The following FRY variants were observed in gnomAD, a reference collection of about 807,000 sequenced individuals.
The protein encoded by FRY is protein furry homolog.
FRY carries 128 observed loss-of-function variants against 348.4 expected under a neutral mutation model. The ratio of observed to expected loss-of-function variants is 0.37; its 90% CI spans 0.32 to 0.43. The LOEUF (loss-of-function observed/expected upper bound fraction) is 0.43. Ranked by LOEUF, FRY falls within the 20% of genes least tolerant of loss-of-function variation. The pLI is 1.00. For missense variants in FRY, 2,736 were observed against 3,695.2 expected, an observed-to-expected ratio of 0.74 and a Z score of 6.73; for synonymous variants, 1,370 against 1,374.7, an observed-to-expected ratio of 1.00 and a Z score of 0.08.
chr13:32,133,718 A>G (rs1296178988), intron 8 of FRY, among the ~76,000 whole-genome samples: 2 of 146,172 alleles, frequency 1.4e-5, no homozygotes, highest in African/African-American at 5.1e-5. Flanking sequence ...AGATATTAAC[A>G]TGTTATTATA....
rs974308217 is a variant in FRY at position 32,297,159 on chromosome 13, A to C, written c.*1699A>C. 2.0e-5 allele frequency: 3 copies of C among 152,344 alleles called. No homozygotes were observed. Among genetic ancestry groups the C allele is most frequent in the Admixed American group, 1.3e-4 (2 of 15,308 alleles). 9.4% of individuals were successfully genotyped at this position (152,344 alleles called of 1,614,324 possible). A position where few individuals can be genotyped will look rare whatever the true frequency, so the allele number is the denominator to read the frequency against. On this transcript the variant is annotated 3_prime_UTR_variant, in exon 61 of 61. Transcript: ENST00000542859. ...TAATATTCTAGGAGTATTCTATAGA[A>C]GAGAGCCTAACCTAGGATTTTTTTT...
intron 55 of FRY, among the ~76,000 whole-genome samples, chr13:32,271,922 C>G (rs1171507628): frequency 6.6e-6 from 1 of 152,030 alleles, no homozygotes; most frequent in Non-Finnish European, 1.5e-5. Context: ...AGGCATGGGC[C>G]CTGGGGGGAC....
intron 17 of FRY, among the ~76,000 whole-genome samples, chr13:32,164,444 G>A (rs1245190054): frequency 6.6e-6 from 1 of 152,156 alleles, no homozygotes; most frequent in Non-Finnish European, 1.5e-5. Flanking sequence ...GTCCCACACA[G>A]CTGCTCCCAG....
At position 32,291,101 on chromosome 13, in the gene FRY, G is replaced by A. The variant is rs181917405; in HGVS notation, c.8580+1358G>A. Among the ~76,000 whole-genome samples, 52 of 152,040 alleles carry A rather than the reference G, an allele frequency of 3.4e-4. 1 individual carries two copies. Among genetic ancestry groups the A allele is most frequent in the African/African-American group, 1.1e-3 (44 of 41,470 alleles). ...ATGTGATTGTGAACAAGCAGAAGTC[G>A]ATTAAACCATGCCAGTGACAGCAGA... On this transcript the variant is annotated intron_variant, in intron 59 of 60. Coordinates refer to ENST00000542859, the MANE Select transcript of FRY (RefSeq NM_023037.3).
At chr13:32,146,859 G>T (rs1880490222) in intron 11 of FRY, among the ~76,000 whole-genome samples, 1 of 152,178 alleles carries the variant, frequency 6.6e-6, no homozygotes, top group Non-Finnish European at 1.5e-5. Context: ...ATATTGGAGG[G>T]TAATCAGATG....
chr13:32,185,531 T>C lies in FRY; in HGVS notation c.3319+383T>C, dbSNP rs182473078. ...TAATTTCAGCAATATTTCTTCTCTC[T>C]GACTCTACCCTACCAACACATTAAA... On this transcript the variant is annotated intron_variant, in intron 26 of 60. Transcript: ENST00000542859. Among the ~76,000 whole-genome samples, 3 of 152,338 alleles carry C rather than the reference T, an allele frequency of 2.0e-5. No individual in the cohort carries two copies. The East Asian group carries it at 5.8e-4, about 29-fold the overall frequency.
At chr13:32,138,656 G>A (rs1389728624) in intron 11 of FRY, among the ~76,000 whole-genome samples, 1 of 152,162 alleles carries the variant, frequency 6.6e-6, no homozygotes, top group African/African-American at 2.4e-5. Context: ...GCCAGAAAGA[G>A]GATGTAGAGT....
chr13:32,262,541 T>C, intron 53 of FRY, 66 bp downstream of exon 53: 1 of 1,261,224 alleles, frequency 7.9e-7, no homozygotes, highest in South Asian at 1.2e-5. Flanking sequence ...ACACTTCCAA[T>C]TTTCTGAGAA....
intron 2 of FRY, among the ~76,000 whole-genome samples, chr13:32,092,760 G>A (rs1412241704): frequency 6.6e-6 from 1 of 152,128 alleles, no homozygotes; most frequent in African/African-American, 2.4e-5. Context: ...TCACGCAGCA[G>A]GTGAGGTATC....
chr13:32,245,376 A>C (rs994594763), intron 47 of FRY, among the ~76,000 whole-genome samples: 1 of 152,066 alleles, frequency 6.6e-6, no homozygotes, highest in Non-Finnish European at 1.5e-5. Flanking sequence ...AGGCTGAGGC[A>C]AGAGGATCGC....
At position 32,298,287 on chromosome 13, in the gene FRY, G is replaced by A. The variant is rs567243846; in HGVS notation, c.*2827G>A. The stretch of plus-strand genomic sequence containing the variant: ...GGCTGCTTACATCAATAGCTTACAC[G>A]TGCTTCCTGATGCCTGCCTTAACAA... On this transcript the variant is annotated 3_prime_UTR_variant, in exon 61 of 61. Coordinates refer to ENST00000542859, the MANE Select transcript of FRY (RefSeq NM_023037.3). The A allele has an allele frequency of 8.5e-5, 13 of 152,320 alleles. No individual in the cohort carries two copies. The South Asian group carries it at 2.7e-3, about 32-fold the overall frequency. The allele number at this position is 152,320 out of a possible 1,614,324, so 9.4% of individuals were successfully genotyped here. A position where few individuals can be genotyped will look rare whatever the true frequency, so the allele number is the denominator to read the frequency against.
chr13:32,051,417 C>A (rs899431982), intron 1 of FRY, among the ~76,000 whole-genome samples: 2 of 152,110 alleles, frequency 1.3e-5, no homozygotes, highest in Admixed American at 1.3e-4. Flanking sequence ...GAAAAAGAAG[C>A]CCAACAAAAA....
In FRY at chr13:32,247,387, T is replaced by C; in HGVS notation, c.6893T>C (p.Val2298Ala). Residue 2298 changes from valine to alanine, a missense_variant, in exon 48 of 61, where the codon GTT becomes GCT. This residue lies in a region of FRY where 789 missense variants were observed against 996.2 expected (regional missense o/e 0.79). Coordinates refer to ENST00000542859, the MANE Select transcript of FRY (RefSeq NM_023037.3). The stretch of plus-strand genomic sequence containing the variant: ...GTAGTTTCTCGGTCAGCCAGCCTTG[T>C]TTTACCTTCATACCAGCACAGTGAC... ...KLVVSRSASLVLPSYQHSDLS... is the reference protein window; with the variant it reads ...KLVVSRSASLALPSYQHSDLS... 4 of 1,613,630 alleles carry C rather than the reference T, an allele frequency of 2.5e-6. No individual in the cohort carries two copies. Among genetic ancestry groups the C allele is most frequent in the Non-Finnish European group, 3.4e-6 (4 of 1,179,508 alleles).
At position 32,179,061 on chromosome 13, in the gene FRY, T is replaced by C. The variant is rs374475056; in HGVS notation, c.2871+28T>C. The C allele has an allele frequency of 2.5e-6, 4 of 1,579,984 alleles. No individual in the cohort carries two copies. The African/African-American group carries it at 5.4e-5, about 21-fold the overall frequency. Reference sequence around the variant, plus strand: ...GACATGACATGCTTCAGAAGAATTATTCTGTAAGGTTTTTTTTTAGCTTGT... The same window carrying C: ...GACATGACATGCTTCAGAAGAATTACTCTGTAAGGTTTTTTTTTAGCTTGT... On this transcript the variant is annotated intron_variant, in intron 22 of 60. Coordinates refer to ENST00000542859, the MANE Select transcript of FRY (RefSeq NM_023037.3).
chr13:32,100,083 G>C (rs1338018585), intron 2 of FRY, among the ~76,000 whole-genome samples: 2 of 149,244 alleles, frequency 1.3e-5, no homozygotes, highest in East Asian at 3.9e-4. Context: ...ATAGTGAATT[G>C]CTTTCAACTT....
At position 32,265,521 on chromosome 13, in the gene FRY, C is replaced by T. The variant is rs749603825; in HGVS notation, c.7851C>T (p.Leu2617=). The change falls in exon 54 of 61, where the codon CTC becomes CTT. Residue 2617 remains leucine, a synonymous_variant. Transcript: ENST00000542859. ...ATCTTTCTAGTTCCATCAATGAACT[C>T]CCAGCAGCTTTTGAATGCAGCGACA... ...EDDLSSSINE[L]PAAFECSDSF... is the part of the protein sequence containing the mutation. 6.2e-7 allele frequency: 1 copy of T among 1,614,168 alleles called. No homozygotes were observed. Among genetic ancestry groups the T allele is most frequent in the East Asian group, 2.2e-5 (1 of 44,874 alleles).
rs1231229532 is a variant in FRY at position 32,178,952 on chromosome 13, T to C, written c.2790T>C (p.Ile930=). The C allele has an allele frequency of 4.3e-6, 7 of 1,613,704 alleles. No individual in the cohort carries two copies. Among genetic ancestry groups the C allele is most frequent in the Admixed American group, 3.3e-5 (2 of 59,996 alleles). Residue 930 remains isoleucine (I), a synonymous_variant, in exon 22 of 61, where the codon ATT becomes ATC. Transcript: ENST00000542859. ...ILCFGVAKPS[I]MSPGHLRAST... ...GTTTTGGAGTTGCAAAACCCAGTAT[T>C]ATGAGCCCAGGACACTTAAGAGCTT... is the stretch of plus-strand genomic sequence containing the variant.
intron 53 of FRY, among the ~76,000 whole-genome samples, chr13:32,262,761 A>G (rs1468243601): frequency 6.6e-6 from 1 of 152,218 alleles, no homozygotes; most frequent in Non-Finnish European, 1.5e-5. Context: ...TGGCAAAACC[A>G]GTGGTGTATG....
rs1278976594 is a variant in FRY at position 32,295,996 on chromosome 13, CTG to C, written c.*540_*541del. ...TGTAAGATGGTCAAAAGCTGACAGC[CTG>C]TGTATGTGAAAAGGGAATTGTAAAT... is the stretch of plus-strand genomic sequence containing the variant. On this transcript the variant is annotated 3_prime_UTR_variant, in exon 61 of 61. Coordinates refer to ENST00000542859, the MANE Select transcript of FRY (RefSeq NM_023037.3). 6.0e-6 allele frequency: 1 copy of C among 165,896 alleles called. No homozygotes were observed. The highest frequency in any genetic ancestry group is 1.3e-5 in the Non-Finnish European group (1 of 75,272). The allele number at this position is 165,896 out of a possible 1,614,324, so 10.3% of individuals were successfully genotyped here.
Sources: allele counts gnomAD v4.1 joint callset (sites outside exome capture counted in the v4.1 genomes callset), GRCh38; gene constraint gnomAD v4.1.1; regional missense constraint gnomAD v4.1.1; transcripts MANE v1.5; gene names NCBI Gene and HGNC (gene_info 2026-07-23, HGNC 2026-07-21).